ATP8A2: variants seen among roughly 807,000 people sequenced by gnomAD.
ATP8A2 encodes ATPase phospholipid transporting 8A2, also known as phospholipid-transporting ATPase IB.
ATP8A2 carries 100 observed loss-of-function variants against 165.6 expected under a neutral mutation model. That is an observed-to-expected ratio of 0.60 (90% CI 0.51 to 0.71). The LOEUF is 0.71. ATP8A2 is among the 30% of genes least tolerant of loss of function. The probability of loss-of-function intolerance (pLI) is 0.00; values close to 1 mark genes in which losing one functional copy is unlikely to be tolerated. For missense variants in ATP8A2, 1,227 were observed against 1,479.5 expected (o/e 0.83, Z 2.80); for synonymous variants, 543 against 548.8 (o/e 0.99, Z 0.15).
At chr13:25,810,829 CTATT>C (rs1413128288) in intron 27 of ATP8A2, among the ~76,000 whole-genome samples, 1 of 152,076 alleles carries the variant, frequency 6.6e-6, no homozygotes, top group African/African-American at 2.4e-5. Flanking sequence ...CCTGAGTAGA[CTATT>C]TGAGTTTTTG....
chr13:25,996,277 CTGA>C (rs1406112466), intron 35 of ATP8A2, among the ~76,000 whole-genome samples: 1 of 152,076 alleles, frequency 6.6e-6, no homozygotes, highest in African/African-American at 2.4e-5. Context: ...TAATTTATTG[CTGA>C]TATGTTGGGG....
intron 33 of ATP8A2, among the ~76,000 whole-genome samples, chr13:25,896,729 CAT>C (rs1371788937): frequency 3.9e-5 from 6 of 152,136 alleles, no homozygotes; most frequent in African/African-American, 1.4e-4. Flanking sequence ...GTATTGGGTG[CAT>C]ATATATTTAG....
chr13:25,778,024 A>T (rs775261255), intron 27 of ATP8A2, among the ~76,000 whole-genome samples: 33 of 152,174 alleles, frequency 2.2e-4, no homozygotes, highest in Non-Finnish European at 4.4e-4. Flanking sequence ...GCCTTCTGCA[A>T]CTCATTTCAC....
chr13:25,898,481 A>G (rs1376175837), intron 33 of ATP8A2, among the ~76,000 whole-genome samples: 3 of 152,338 alleles, frequency 2.0e-5, no homozygotes, highest in East Asian at 3.9e-4. Flanking sequence ...TCAGGGACCC[A>G]CTTGAGGAGG....
chr13:25,483,477 C>T (rs1392994574), intron 2 of ATP8A2, among the ~76,000 whole-genome samples: 1 of 152,032 alleles, frequency 6.6e-6, no homozygotes, highest in Admixed American at 6.6e-5. Context: ...GTAGGGGCAG[C>T]ACTGGCGCTC....
intron 33 of ATP8A2, among the ~76,000 whole-genome samples, chr13:25,873,640 C>G (rs948679720): frequency 4.9e-4 from 69 of 139,868 alleles, no homozygotes; most frequent in Non-Finnish European, 8.8e-4. Flanking sequence ...CTAAGTATCT[C>G]TTTTTTTTTT....
intron 24 of ATP8A2, among the ~76,000 whole-genome samples, chr13:25,624,703 C>T (rs2041058807): frequency 6.6e-6 from 1 of 152,202 alleles, no homozygotes; most frequent in South Asian, 2.1e-4. Flanking sequence ...TGGGTAAGTA[C>T]AAGTTGTGTG....
chr13:25,442,292 T>C (rs1225632777), intron 1 of ATP8A2, among the ~76,000 whole-genome samples: 2 of 152,134 alleles, frequency 1.3e-5, no homozygotes. Flanking sequence ...AGAAGATAAC[T>C]CTACTTTTAA....
At chr13:25,978,267 A>T (rs916819955) in intron 35 of ATP8A2, among the ~76,000 whole-genome samples, 3 of 152,168 alleles carry the variant, frequency 2.0e-5, no homozygotes, top group Non-Finnish European at 2.9e-5. Context: ...CCAGGCGGGG[A>T]TTAGTTCTTC....
intron 25 of ATP8A2, among the ~76,000 whole-genome samples, chr13:25,729,086 C>G (rs910567765): frequency 1.3e-5 from 2 of 152,080 alleles, no homozygotes; most frequent in South Asian, 2.1e-4. Context: ...TCCTCCTCCA[C>G]TGTTTTTTTC....
intron 1 of ATP8A2, among the ~76,000 whole-genome samples, chr13:25,404,441 T>A (rs574716733): frequency 1.3e-5 from 2 of 152,186 alleles, no homozygotes; most frequent in South Asian, 4.2e-4. Flanking sequence ...CACAATGAGA[T>A]TCACACTTGA....
At chr13:25,514,976 C>T (rs1449125134) in intron 2 of ATP8A2, among the ~76,000 whole-genome samples, 1 of 152,168 alleles carries the variant, frequency 6.6e-6, no homozygotes. Flanking sequence ...TTCTGAGTGT[C>T]TGCGAGGGGA....
In ATP8A2 at chr13:25,732,775, G is replaced by A. The variant is rs74614314; in HGVS notation, c.2384+33430G>A. On this transcript the variant is annotated intron_variant, in intron 25 of 36. Transcript: ENST00000381655. ...GGAAAAATATATATAATTTATCCCA[G>A]TAAAAGAACTAGCCTATTGCTGAAA... Among the ~76,000 whole-genome samples, 470 of 152,148 alleles carry A rather than the reference G, an allele frequency of 3.1e-3. 1 individual carries two copies. Among genetic ancestry groups the A allele is most frequent in the African/African-American group, 0.011 (451 of 41,520 alleles).
intron 27 of ATP8A2, among the ~76,000 whole-genome samples, chr13:25,789,746 A>G (rs887502847): frequency 3.9e-5 from 6 of 152,222 alleles, no homozygotes; most frequent in Admixed American, 3.9e-4. Context: ...ATATGAAACA[A>G]AAAGAAATGA....
At chr13:25,624,978 T>G (rs1403710253) in intron 24 of ATP8A2, among the ~76,000 whole-genome samples, 1 of 152,220 alleles carries the variant, frequency 6.6e-6, no homozygotes, top group East Asian at 1.9e-4. Flanking sequence ...AAAATGGTCT[T>G]ATTTTTCCTT....
At chr13:25,825,882 A>G (rs956607525) in intron 27 of ATP8A2, among the ~76,000 whole-genome samples, 1 of 151,830 alleles carries the variant, frequency 6.6e-6, no homozygotes, top group Non-Finnish European at 1.5e-5. Context: ...TTGGAAGGGT[A>G]GTTGAAATTG....
chr13:25,391,601 G>T (rs1019008179), intron 1 of ATP8A2, among the ~76,000 whole-genome samples: 1 of 152,194 alleles, frequency 6.6e-6, no homozygotes, highest in Admixed American at 6.5e-5. Flanking sequence ...TGTCCTTGGG[G>T]GCAGGAAGCT....
intron 25 of ATP8A2, among the ~76,000 whole-genome samples, chr13:25,760,935 C>G (rs574551135): frequency 6.6e-6 from 1 of 152,272 alleles, no homozygotes; most frequent in Admixed American, 6.5e-5. Flanking sequence ...GTGGAAATTT[C>G]AAGCTTTCCA....
intron 24 of ATP8A2, among the ~76,000 whole-genome samples, chr13:25,641,967 C>T (rs1420994575): frequency 6.6e-6 from 1 of 152,214 alleles, no homozygotes; most frequent in Non-Finnish European, 1.5e-5. Flanking sequence ...ACCATCTGAT[C>T]TTTGACAAAC....
Sources: allele counts gnomAD v4.1 joint callset (sites outside exome capture counted in the v4.1 genomes callset), GRCh38; gene constraint gnomAD v4.1.1; transcripts MANE v1.5; gene names NCBI Gene and HGNC (gene_info 2026-07-23, HGNC 2026-07-21).